Variants in SCLT1 observed in about 807,000 individuals in gnomAD.
The protein encoded by SCLT1 is sodium channel and clathrin linker 1.
Under a neutral mutation model 112.8 loss-of-function variants are expected in SCLT1, and 78 were observed. The ratio of observed to expected loss-of-function variants is 0.69; its 90% CI spans 0.58 to 0.83. The LOEUF is 0.83. SCLT1 is among the 40% of genes least tolerant of loss of function. The pLI, the probability that SCLT1 is intolerant of heterozygous loss-of-function variation, is 0.00. For missense variants in SCLT1, 747 were observed against 770.4 expected (o/e 0.97, Z 0.36); for synonymous variants, 257 against 254.7 (o/e 1.01, Z -0.09).
intron 3 of SCLT1, among the ~76,000 whole-genome samples, chr4:128,877,111 G>A (rs1732539869): frequency 6.6e-6 from 1 of 152,148 alleles, no homozygotes; most frequent in Non-Finnish European, 1.5e-5. Flanking sequence ...AATAAAAGCT[G>A]ATTTTGTCAT....
intron 19 of SCLT1, among the ~76,000 whole-genome samples, chr4:128,889,265 AAG>A (rs1733127005): frequency 6.6e-6 from 1 of 152,204 alleles, no homozygotes; most frequent in Non-Finnish European, 1.5e-5. Context: ...CTTATTTGGA[AAG>A]AGAGTCCTTG....
At chr4:128,928,131 A>G (rs1000722469) in intron 18 of SCLT1, among the ~76,000 whole-genome samples, 2 of 152,080 alleles carry the variant, frequency 1.3e-5, no homozygotes, top group African/African-American at 4.8e-5. Context: ...CAAAAACCCA[A>G]CAACAACAAA....
chr4:129,045,529 TAAA>T (rs796629920), intron 2 of SCLT1, among the ~76,000 whole-genome samples: 1 of 151,752 alleles, frequency 6.6e-6, no homozygotes, highest in Non-Finnish European at 1.5e-5. Context: ...ACAGAATAAA[TAAA>T]AAATGATACA....
At chr4:128,918,972 A>T (rs1186545182) in intron 18 of SCLT1, among the ~76,000 whole-genome samples, 1 of 152,180 alleles carries the variant, frequency 6.6e-6, no homozygotes, top group Non-Finnish European at 1.5e-5. Flanking sequence ...AGCACACAAT[A>T]ATAGTGGGAG....
rs200744046 is a variant in SCLT1 at position 128,949,859 on chromosome 4, C to T, written c.1219-1289G>A. 7.8e-3 allele frequency among the ~76,000 whole-genome samples: 761 copies of T among 97,544 alleles called. 6 individuals are homozygous for T. Among genetic ancestry groups the T allele is most frequent in the African/African-American group, 0.031 (714 of 22,996 alleles). 64.0% of individuals were successfully genotyped at this position (97,544 alleles called of 152,430 possible). ...GCTTTTTTTCCTCTTTTTTTTTTTT[C>T]CCCTAATTGTGAATCATGCTTTGGA... On this transcript the variant is annotated intron_variant, in intron 14 of 20. Transcript: ENST00000281142.
chr4:129,008,068 T>C (rs1377595965), intron 5 of SCLT1, among the ~76,000 whole-genome samples: 1 of 152,192 alleles, frequency 6.6e-6, no homozygotes, highest in South Asian at 2.1e-4. Context: ...CTGGCTCATA[T>C]TTCAAGTCTC....
intron 2 of SCLT1, among the ~76,000 whole-genome samples, chr4:129,048,284 T>C (rs542352441): frequency 3.3e-5 from 5 of 152,134 alleles, no homozygotes; most frequent in South Asian, 2.1e-4. Context: ...AACAGAGATA[T>C]AGATCAATGG....
At position 129,063,377 on chromosome 4, in the gene SCLT1, G is replaced by A. The variant is rs11936845; in HGVS notation, c.102+18929C>T. ...ATACCTTCAGCCATTACCGTTTAGG[G>A]AGAATTCCTAAGACTATATGCTTTC... On this transcript the variant is annotated intron_variant, in intron 2 of 20. Transcript: ENST00000281142. Among the ~76,000 whole-genome samples, 1,446 of 152,314 alleles carry A rather than the reference G, an allele frequency of 9.5e-3. 17 individuals carry two copies. The highest frequency in any genetic ancestry group is 0.028 in the African/African-American group (1,158 of 41,562).
intron 17 of SCLT1, among the ~76,000 whole-genome samples, chr4:128,937,178 C>T (rs921583148): frequency 6.6e-6 from 1 of 151,014 alleles, no homozygotes; most frequent in Non-Finnish European, 1.5e-5. Context: ...CTCAGGAGGC[C>T]GAGGCAGGTG....
chr4:128,997,923 A>G lies in SCLT1; in HGVS notation c.566T>C (p.Phe189Ser). 1 of 1,512,370 alleles carries G rather than the reference A, an allele frequency of 6.6e-7. No homozygotes were observed. Among genetic ancestry groups the G allele is most frequent in the Non-Finnish European group, 8.9e-7 (1 of 1,123,336 alleles). 93.7% of individuals were successfully genotyped at this position (1,512,370 alleles called of 1,614,324 possible). A position where few individuals can be genotyped will look rare whatever the true frequency, so the allele number is the denominator to read the frequency against. The change falls in exon 8 of 21, where the codon TTT (phenylalanine) becomes TCT (serine). Residue 189 changes from phenylalanine to serine, a missense_variant. By Grantham distance (155) the Phe-to-Ser change is radical (BLOSUM62 -2). This residue lies in a region of SCLT1 where 723 missense variants were observed against 721.3 expected (regional missense o/e 1.00). Coordinates refer to ENST00000281142, the MANE Select transcript of SCLT1 (RefSeq NM_144643.4). ...SQKQKDQLFDFQQLTKQLHVT... is the reference protein window; with the variant it reads ...SQKQKDQLFDSQQLTKQLHVT... ...ATGAAGTTGTTTGGTCAGTTGTTGA[A>G]AATCAAATAGCTGATCCTACAGTGG... is the stretch of plus-strand genomic sequence containing the variant.
chr4:128,923,522 C>A (rs974140013), intron 18 of SCLT1, among the ~76,000 whole-genome samples: 1 of 151,556 alleles, frequency 6.6e-6, no homozygotes, highest in Admixed American at 6.6e-5. Flanking sequence ...GTAGTCACTG[C>A]CCCACCCCTC....
At chr4:129,078,133 A>C (rs1296052314) in intron 2 of SCLT1, among the ~76,000 whole-genome samples, 2 of 152,238 alleles carry the variant, frequency 1.3e-5, no homozygotes, top group Non-Finnish European at 2.9e-5. Context: ...TAAGAGAAGA[A>C]TGGTTAGCTT....
intron 5 of SCLT1, among the ~76,000 whole-genome samples, chr4:129,029,443 C>T (rs534749887): frequency 1.7e-4 from 25 of 150,940 alleles, no homozygotes; most frequent in South Asian, 4.3e-4. Flanking sequence ...AACCAAACAC[C>T]GCATGTTCTC....
chr4:128,952,192 T>C (rs1323446726), intron 14 of SCLT1, among the ~76,000 whole-genome samples: 1 of 152,116 alleles, frequency 6.6e-6, no homozygotes, highest in Non-Finnish European at 1.5e-5. Context: ...AGATAAAAAG[T>C]GATACAGGGA....
At chr4:129,091,196 G>A (rs143125523) in intron 1 of SCLT1, among the ~76,000 whole-genome samples, 49 of 152,100 alleles carry the variant, frequency 3.2e-4, no homozygotes, top group South Asian at 6.2e-4. Flanking sequence ...AAAGGAGAGC[G>A]ACACAGACAC....
intron 2 of SCLT1, among the ~76,000 whole-genome samples, chr4:129,053,652 G>C (rs1749069168): frequency 7.7e-6 from 1 of 129,730 alleles, no homozygotes; most frequent in Non-Finnish European, 1.6e-5. Flanking sequence ...GTGTGTCTTT[G>C]CATGTGAGTG....
chr4:129,024,680 C>T (rs1291061590), intron 5 of SCLT1, among the ~76,000 whole-genome samples: 16 of 152,278 alleles, frequency 1.1e-4, no homozygotes, highest in African/African-American at 2.6e-4. Context: ...TCACCAGCAA[C>T]GGAACAAAGC....
At chr4:128,905,462 T>A (rs1329137400) in intron 18 of SCLT1, among the ~76,000 whole-genome samples, 1 of 152,210 alleles carries the variant, frequency 6.6e-6, no homozygotes, top group Non-Finnish European at 1.5e-5. Context: ...TAGTTATAAG[T>A]GGTCTTTAAA....
chr4:128,953,576 C>T (rs1738950226), intron 13 of SCLT1, among the ~76,000 whole-genome samples: 3 of 151,814 alleles, frequency 2.0e-5, no homozygotes. Flanking sequence ...GGGCAGATCA[C>T]GAGGTCAGGA....
Sources: gnomAD v4.1 joint callset for allele counts (sites outside exome capture counted in the v4.1 genomes callset) on GRCh38, gnomAD v4.1.1 for gene constraint, gnomAD v4.1.1 regional missense constraint, MANE v1.5 for transcripts, NCBI Gene and HGNC (gene_info 2026-07-23, HGNC 2026-07-21) for gene names.